CTNNA3: variants seen among roughly 807,000 people sequenced by gnomAD.
The protein encoded by CTNNA3 is catenin alpha 3.
A neutral mutation model predicts 95.7 loss-of-function variants in CTNNA3; 76 were observed. That is an observed-to-expected ratio of 0.79 (90% CI 0.66 to 0.96). The LOEUF is 0.96. Ranked by LOEUF, CTNNA3 falls within the 40% of genes least tolerant of loss-of-function variation. CTNNA3 has a pLI of 0.00. For missense variants in CTNNA3, 1,191 were observed against 1,089.8 expected (o/e 1.09, Z -1.31); for synonymous variants, 431 against 374.4 (o/e 1.15, Z -1.74).
chr10:66,548,571 T>C (rs1842110767), intron 10 of CTNNA3, among the ~76,000 whole-genome samples: 1 of 152,174 alleles, frequency 6.6e-6, no homozygotes, highest in African/African-American at 2.4e-5. Flanking sequence ...TTTTGTCAGA[T>C]GTCATTTATC....
chr10:66,036,652 AG>A (rs1564594287), intron 15 of CTNNA3, among the ~76,000 whole-genome samples: 4 of 152,134 alleles, frequency 2.6e-5, no homozygotes, highest in African/African-American at 9.7e-5. Flanking sequence ...TTAGGATTAC[AG>A]GGGTGAGCCA....
At chr10:67,214,005 T>C (rs1408489708) in intron 6 of CTNNA3, among the ~76,000 whole-genome samples, 1 of 151,852 alleles carries the variant, frequency 6.6e-6, no homozygotes, top group African/African-American at 2.4e-5. Flanking sequence ...ACTTTCAAAC[T>C]ATCTTGATTC....
chr10:66,846,745 C>A (rs760041971), intron 7 of CTNNA3, among the ~76,000 whole-genome samples: 2 of 152,124 alleles, frequency 1.3e-5, no homozygotes, highest in Non-Finnish European at 2.9e-5. Context: ...CCAATCCAAC[C>A]TTCAGTAGCC....
chr10:66,017,304 A>G (rs1291591714), intron 15 of CTNNA3, among the ~76,000 whole-genome samples: 4 of 152,112 alleles, frequency 2.6e-5, no homozygotes, highest in African/African-American at 4.8e-5. Context: ...ACAGATACAA[A>G]AGACTTGCCT....
intron 12 of CTNNA3, among the ~76,000 whole-genome samples, chr10:66,341,064 A>G (rs2132353746): frequency 6.6e-6 from 1 of 152,020 alleles, no homozygotes; most frequent in South Asian, 2.1e-4. Flanking sequence ...AGTGCCATGA[A>G]CTATCATCAT....
At chr10:66,295,896 C>T (rs538044998) in intron 12 of CTNNA3, among the ~76,000 whole-genome samples, 2 of 151,598 alleles carry the variant, frequency 1.3e-5, no homozygotes, top group African/African-American at 2.4e-5. Flanking sequence ...TTAACATTAA[C>T]TCTTTTGTCT....
At chr10:66,813,843 TGA>T (rs1029962220) in intron 7 of CTNNA3, among the ~76,000 whole-genome samples, 12 of 49,058 alleles carry the variant, frequency 2.4e-4, no homozygotes, top group African/African-American at 3.7e-4. Context: ...TGTGTGTGTG[TGA>T]GTGTGTGTGT....
At chr10:67,653,371 G>A (rs1593090) in intron 1 of CTNNA3, among the ~76,000 whole-genome samples, 5,394 of 152,094 alleles carry the variant, frequency 0.035, 93 homozygotes, top group Middle Eastern at 0.078. Flanking sequence ...ACTTGGGTGG[G>A]GACAAATATC....
At chr10:67,079,908 CAA>C (rs1308774697) in intron 7 of CTNNA3, among the ~76,000 whole-genome samples, 2 of 139,188 alleles carry the variant, frequency 1.4e-5, no homozygotes, top group African/African-American at 5.4e-5. Context: ...CACACACACA[CAA>C]AGATAGTCAC....
At chr10:67,345,677 A>G (rs777504154) in intron 5 of CTNNA3, among the ~76,000 whole-genome samples, 1 of 152,082 alleles carries the variant, frequency 6.6e-6, no homozygotes, top group Non-Finnish European at 1.5e-5. Context: ...TTTGCATGGA[A>G]TATCTTTTCC....
chr10:66,961,607 A>C (rs987922994), intron 7 of CTNNA3, among the ~76,000 whole-genome samples: 1 of 152,070 alleles, frequency 6.6e-6, no homozygotes, highest in Non-Finnish European at 1.5e-5. Context: ...TAGTGATTTC[A>C]TCAATACTAC....
At chr10:67,557,837 T>C (rs542976128) in intron 3 of CTNNA3, among the ~76,000 whole-genome samples, 1 of 152,312 alleles carries the variant, frequency 6.6e-6, no homozygotes, top group East Asian at 1.9e-4. Context: ...ACCCCACTAC[T>C]ACCACCACTC....
At chr10:66,831,550 T>G (rs1219250258) in intron 7 of CTNNA3, among the ~76,000 whole-genome samples, 1 of 152,232 alleles carries the variant, frequency 6.6e-6, no homozygotes, top group African/African-American at 2.4e-5. Context: ...CTCTACCAGT[T>G]GGCACTTCAA....
At chr10:67,539,436 C>A in intron 4 of CTNNA3, 67 bp downstream of exon 4, 1 of 1,561,028 alleles carries the variant, frequency 6.4e-7, no homozygotes. Flanking sequence ...AGGATCGACG[C>A]CAGGTTCAGA....
At chr10:67,249,170 A>G (rs10997595) in intron 5 of CTNNA3, among the ~76,000 whole-genome samples, 33,433 of 152,058 alleles carry the variant, frequency 0.22, 6,635 homozygotes, top group African/African-American at 0.54. Context: ...AGAATAATAG[A>G]AAATTTTTGC....
intron 7 of CTNNA3, among the ~76,000 whole-genome samples, chr10:66,834,533 T>C (rs191663118): frequency 1.7e-3 from 257 of 152,356 alleles, no homozygotes; most frequent in African/African-American, 5.9e-3. Flanking sequence ...TACCCAAGGT[T>C]ACACAACTAT....
intron 7 of CTNNA3, among the ~76,000 whole-genome samples, chr10:67,086,475 A>G (rs918002973): frequency 7.9e-5 from 12 of 152,052 alleles, no homozygotes; most frequent in Admixed American, 7.9e-4. Flanking sequence ...TTTGGATGTC[A>G]GCTGCTTGGG....
rs1564515595 is a variant in CTNNA3, at chr10:65,920,379, A to G, written c.2639T>C (p.Ile880Thr). 1 of 1,613,958 alleles carries G rather than the reference A, an allele frequency of 6.2e-7. No individual in the cohort carries two copies. ...TTCACTCATGACTTGCAATGGATGG[A>G]TTTTTTTCTTTGCTGAGCCTCGTCT... ...AVRRGSAKKK[I>T]HPLQVMSEFR... is the part of the protein sequence containing the mutation. Residue 880 changes from isoleucine to threonine, a missense_variant, in exon 18 of 18, where the codon ATC (isoleucine) becomes ACC (threonine). Ile to Thr is a moderately conservative substitution (Grantham distance 89). Coordinates refer to ENST00000433211, the MANE Select transcript of CTNNA3 (RefSeq NM_013266.4).
intron 10 of CTNNA3, among the ~76,000 whole-genome samples, chr10:66,548,697 TTTAA>T (rs1268541345): frequency 3.9e-5 from 6 of 152,142 alleles, no homozygotes; most frequent in African/African-American, 1.4e-4. Context: ...AATTCATATG[TTTAA>T]TTAAATCAAT....
Sources: allele counts gnomAD v4.1 joint callset (sites outside exome capture counted in the v4.1 genomes callset), GRCh38; gene constraint gnomAD v4.1.1; transcripts MANE v1.5; gene names NCBI Gene and HGNC (gene_info 2026-07-23, HGNC 2026-07-21).